The following CPHXL2 variants were observed in gnomAD, a reference collection of about 807,000 sequenced individuals.
CPHXL2 encodes the protein cytoplasmic polyadenylated homeobox like 2, also known as cytoplasmic polyadenylated homeobox-like protein 2.
chr16:75,663,611 C>T, the CPHXL2 span, among the ~76,000 whole-genome samples: 28 of 151,938 alleles, frequency 1.8e-4, no homozygotes, highest in African/African-American at 2.9e-4. Flanking sequence ...AAGGTTGGCG[C>T]GGTGGCTCAC....
At chr16:75,661,026 G>A in the CPHXL2 span, 2 of 400,412 alleles carry the variant, frequency 5.0e-6, no homozygotes, top group South Asian at 2.5e-4. Context: ...CTGTTGACAG[G>A]CAATCCTCTG....
chr16:75,671,155 A>G, the CPHXL2 span, among the ~76,000 whole-genome samples: 1 of 152,164 alleles, frequency 6.6e-6, no homozygotes, highest in Non-Finnish European at 1.5e-5. Context: ...GGCCGAAGCC[A>G]GCAGATAACT....
the CPHXL2 span, among the ~76,000 whole-genome samples, chr16:75,668,901 GT>G: frequency 6.6e-6 from 1 of 152,152 alleles, no homozygotes; most frequent in Non-Finnish European, 1.5e-5. Flanking sequence ...ACCAGTGGAT[GT>G]GGAGGATTAA....
the CPHXL2 span, among the ~76,000 whole-genome samples, chr16:75,662,824 A>C: frequency 7.9e-6 from 1 of 126,636 alleles, no homozygotes. Context: ...TTTGAGACGG[A>C]GTCTCGCTCT....
At chr16:75,661,076 C>CCT in the CPHXL2 span, 26 of 400,682 alleles carry the variant, frequency 6.5e-5, no homozygotes, top group Admixed American at 1.1e-3. Flanking sequence ...TCATCAGAGC[C>CCT]CTCTTGGCAC....
At chr16:75,668,715 T>A in the CPHXL2 span, among the ~76,000 whole-genome samples, 19 of 152,178 alleles carry the variant, frequency 1.2e-4, no homozygotes, top group Non-Finnish European at 2.8e-4. Flanking sequence ...ATAACACAAA[T>A]GCTACATAAG....
the CPHXL2 span, chr16:75,660,947 A>G: frequency 2.5e-6 from 1 of 398,686 alleles, no homozygotes; most frequent in Non-Finnish European, 4.4e-6. Context: ...TCTCCAGAGA[A>G]GAGCACATGG....
chr16:75,669,058 TAA>T, the CPHXL2 span, among the ~76,000 whole-genome samples: 1 of 152,190 alleles, frequency 6.6e-6, no homozygotes, highest in Non-Finnish European at 1.5e-5. Context: ...CTAACGCCTG[TAA>T]TCCCAGCACT....
the CPHXL2 span, among the ~76,000 whole-genome samples, chr16:75,668,557 A>G: frequency 6.6e-6 from 1 of 152,158 alleles, no homozygotes; most frequent in East Asian, 1.9e-4. Flanking sequence ...TGTGTGTACA[A>G]TTTTCTCTCA....
chr16:75,668,382 C>A, the CPHXL2 span, among the ~76,000 whole-genome samples: 11 of 152,010 alleles, frequency 7.2e-5, no homozygotes, highest in Admixed American at 7.2e-4. Context: ...GCACGCACCA[C>A]CACTCCCGGC....
chr16:75,675,442 G>A, the CPHXL2 span, among the ~76,000 whole-genome samples: 1 of 152,112 alleles, frequency 6.6e-6, no homozygotes, highest in East Asian at 1.9e-4. Flanking sequence ...TTCAACAAAG[G>A]TGTCAAAATA....
chr16:75,667,904 C>A, the CPHXL2 span, among the ~76,000 whole-genome samples: 9 of 152,224 alleles, frequency 5.9e-5, no homozygotes, highest in African/African-American at 2.2e-4. Context: ...AGTCAAGCAT[C>A]CAAGTAACCT....
the CPHXL2 span, among the ~76,000 whole-genome samples, chr16:75,664,303 G>T: frequency 6.6e-6 from 1 of 152,166 alleles, no homozygotes; most frequent in African/African-American, 2.4e-5. Flanking sequence ...AATTGATTAA[G>T]ATCTGTCTCA....
the CPHXL2 span, among the ~76,000 whole-genome samples, chr16:75,670,835 A>G: frequency 6.6e-6 from 1 of 152,096 alleles, no homozygotes; most frequent in Non-Finnish European, 1.5e-5. Flanking sequence ...GCCTTACTCA[A>G]TCTGTACCCT....
the CPHXL2 span, among the ~76,000 whole-genome samples, chr16:75,671,323 C>T: frequency 1.4e-5 from 2 of 146,112 alleles, no homozygotes; most frequent in Non-Finnish European, 3.0e-5. Flanking sequence ...GATCGCTACA[C>T]TCTACTCCAG....
At chr16:75,669,536 G>A in the CPHXL2 span, 1 of 398,852 alleles carries the variant, frequency 2.5e-6, no homozygotes, top group Non-Finnish European at 4.4e-6. Context: ...TCATTATGAT[G>A]ATCCTCTTCA....
At chr16:75,664,147 T>C in the CPHXL2 span, among the ~76,000 whole-genome samples, 1 of 152,184 alleles carries the variant, frequency 6.6e-6, no homozygotes, top group Admixed American at 6.5e-5. Flanking sequence ...ACCCAAGCAA[T>C]GTACATCTTA....
chr16:75,670,297 C>G, the CPHXL2 span, among the ~76,000 whole-genome samples: 1 of 152,108 alleles, frequency 6.6e-6, no homozygotes, highest in East Asian at 1.9e-4. Flanking sequence ...AAAAACTGAT[C>G]TATACTGATT....
At chr16:75,672,174 G>C in the CPHXL2 span, among the ~76,000 whole-genome samples, 1 of 151,828 alleles carries the variant, frequency 6.6e-6, no homozygotes, top group Non-Finnish European at 1.5e-5. Context: ...AGCTACTCAG[G>C]TGGCTGAGGC....
Sources: allele counts gnomAD v4.1 joint callset (sites outside exome capture counted in the v4.1 genomes callset), GRCh38; gene constraint gnomAD v4.1.1; transcripts MANE v1.5; gene names NCBI Gene and HGNC (gene_info 2026-07-23, HGNC 2026-07-21).